The following CDIPT variants were observed in gnomAD, a reference collection of about 807,000 sequenced individuals.
CDIPT encodes the protein PI synthase.
CDIPT carries 17 observed loss-of-function variants against 21.6 expected under a neutral mutation model. The ratio of observed to expected loss-of-function variants is 0.79; its 90% confidence interval spans 0.54 to 1.18. The LOEUF (loss-of-function observed/expected upper bound fraction) is 1.18, where lower values mean the gene tolerates loss of function less well. Ranked by LOEUF, CDIPT falls within the 50% of genes most tolerant of loss-of-function variation. The pLI is 0.00. For missense variants in CDIPT, 254 were observed against 284.9 expected (o/e 0.89, Z 0.78); for synonymous variants, 119 against 117.9 (o/e 1.01, Z -0.06).
intron 2 of CDIPT, 178 bp from the exon 3 acceptor site, chr16:29,861,437 G>A: frequency 6.5e-7 from 1 of 1,539,200 alleles, no homozygotes; most frequent in African/African-American, 1.4e-5. Flanking sequence ...AGGTCACCAT[G>A]GCATGAACTG....
Position 29,859,403 on chromosome 16 carries a change from T to A in CDIPT, c.496+39A>T. ...CCTCCATCTCCCTGGGCAGGCCAGA[T>A]CCCCCTCCCATCCTCCTGCCCAGCC... On this transcript the variant is annotated intron_variant, in intron 5 of 5. Coordinates refer to ENST00000219789, the MANE Select transcript of CDIPT (RefSeq NM_006319.5). The surrounding 1 kb of genome is among the most constrained non-coding windows in gnomAD (Gnocchi z 4.5). 1 of 1,598,552 alleles carries A rather than the reference T, an allele frequency of 6.3e-7. No individual in the cohort carries two copies. The highest frequency in any genetic ancestry group is 8.5e-7 in the Non-Finnish European group (1 of 1,170,292).
chr16:29,859,382 C>T lies in CDIPT; in HGVS notation c.497-48G>A, dbSNP rs1431565664. 2 of 1,587,956 alleles carry T rather than the reference C, an allele frequency of 1.3e-6. No homozygotes were observed. Among genetic ancestry groups the T allele is most frequent in the Non-Finnish European group, 8.6e-7 (1 of 1,165,982 alleles). The stretch of plus-strand genomic sequence containing the variant: ...TTTGGGGCCCGAAGGAGGGGGCCTC[C>T]ATCTCCCTGGGCAGGCCAGATCCCC... On this transcript the variant is annotated intron_variant, in intron 5 of 5. Coordinates refer to ENST00000219789, the MANE Select transcript of CDIPT (RefSeq NM_006319.5). The surrounding 1 kb of genome is among the most constrained non-coding windows in gnomAD (Gnocchi z 4.5).
Position 29,862,998 on chromosome 16 carries a change from G to A in CDIPT, c.-141C>T. The A allele has an allele frequency of 1.0e-6, 1 of 967,946 alleles. No individual in the cohort carries two copies. Among genetic ancestry groups the A allele is most frequent in the East Asian group, 2.6e-5 (1 of 39,116 alleles). 60.0% of individuals were successfully genotyped at this position (967,946 alleles called of 1,614,324 possible). A position where few individuals can be genotyped will look rare whatever the true frequency, so the allele number is the denominator to read the frequency against. ...ACCCCGCCGCCCCAACCTGGCCCCA[G>A]ATGCTGAAGCCCGCAGCCGTCGGGA... On this transcript the variant is annotated 5_prime_UTR_variant, in exon 1 of 6. Transcript: ENST00000219789. The surrounding 1 kb of genome is among the most constrained non-coding windows in gnomAD (Gnocchi z 6.7).
Position 29,863,007 on chromosome 16 carries a change from G to T in CDIPT, c.-150C>A. The stretch of plus-strand genomic sequence containing the variant: ...CCCCAACCTGGCCCCAGATGCTGAA[G>T]CCCGCAGCCGTCGGGAGCATGGACC... On this transcript the variant is annotated 5_prime_UTR_variant, in exon 1 of 6. Coordinates refer to ENST00000219789, the MANE Select transcript of CDIPT (RefSeq NM_006319.5). 1.1e-6 allele frequency: 1 copy of T among 897,440 alleles called. No homozygotes were observed. The highest frequency in any genetic ancestry group is 2.6e-5 in the East Asian group (1 of 37,934). The allele number at this position is 897,440 out of a possible 1,614,324, so 55.6% of individuals were successfully genotyped here.
chr16:29,860,308 C>T (rs1166561870), intron 4 of CDIPT, among the ~76,000 whole-genome samples: 1 of 152,230 alleles, frequency 6.6e-6, no homozygotes, highest in East Asian at 1.9e-4. Flanking sequence ...CAAGTCCACA[C>T]TCCAGCCCTG....
In CDIPT at chr16:29,862,494, G is replaced by T; in HGVS notation, c.178+92C>A. 7.6e-7 allele frequency: 1 copy of T among 1,311,370 alleles called. No homozygotes were observed. The highest frequency in any genetic ancestry group is 1.1e-6 in the Non-Finnish European group (1 of 941,650). 81.2% of individuals were successfully genotyped at this position (1,311,370 alleles called of 1,614,324 possible). A position where few individuals can be genotyped will look rare whatever the true frequency, so the allele number is the denominator to read the frequency against. On this transcript the variant is annotated intron_variant, in intron 2 of 5. Transcript: ENST00000219789. The surrounding 1 kb of genome is among the most constrained non-coding windows in gnomAD (Gnocchi z 6.7). ...TTCTGCTTTTTCCAGAGATGGGAAT[G>T]ACAGCCCTCTGACTCTGAGGTCCCG... is the stretch of plus-strand genomic sequence containing the variant.
In CDIPT at chr16:29,860,659, A is replaced by C; in HGVS notation, c.336T>G (p.Ser112=). Residue 112 remains serine, a synonymous_variant, in exon 4 of 6, where the codon TCT becomes TCG. Coordinates refer to ENST00000219789, the MANE Select transcript of CDIPT (RefSeq NM_006319.5). ...TGTGACTCTCACTGCCTCGGACCACAGAACTTGGGGAGAAAACAGGGGAAC... is the reference window on the plus strand; with the variant it reads ...TGTGACTCTCACTGCCTCGGACCACCGAACTTGGGGAGAAAACAGGGGAAC... The part of the protein sequence containing the change: ...VASHWLHLHS[S]VVRGSESHKM... 1 of 1,608,246 alleles carries C rather than the reference A, an allele frequency of 6.2e-7. No individual in the cohort carries two copies. Among genetic ancestry groups the C allele is most frequent in the Non-Finnish European group, 8.5e-7 (1 of 1,175,260 alleles).
At chr16:29,860,557 G>A in intron 4 of CDIPT, 24 bp downstream of exon 4, 1 of 1,490,442 alleles carries the variant, frequency 6.7e-7, no homozygotes, top group East Asian at 2.3e-5. Context: ...AGCCTGAGGG[G>A]TGGGGTGTGC....
Position 29,863,026 on chromosome 16 carries a change from A to C in CDIPT, c.-169T>G. 2.5e-6 allele frequency: 2 copies of C among 794,412 alleles called. No individual in the cohort carries two copies. Among genetic ancestry groups the C allele is most frequent in the Non-Finnish European group, 4.2e-6 (2 of 470,826 alleles). The allele number at this position is 794,412 out of a possible 1,614,324, so 49.2% of individuals were successfully genotyped here. A position where few individuals can be genotyped will look rare whatever the true frequency, so the allele number is the denominator to read the frequency against. On this transcript the variant is annotated 5_prime_UTR_variant, in exon 1 of 6. It removes an upstream start codon present in the reference 5' UTR. Transcript: ENST00000219789. ...GCTGAAGCCCGCAGCCGTCGGGAGC[A>C]TGGACCGGCCCCGAGGTGCGCGGGA...
At position 29,859,033 on chromosome 16, in the gene CDIPT, C is replaced by T. The variant is rs1407249246; in HGVS notation, c.*156G>A. 1.1e-5 allele frequency: 9 copies of T among 795,220 alleles called. No homozygotes were observed. Among genetic ancestry groups the T allele is most frequent in the South Asian group, 1.8e-5 (1 of 55,310 alleles). 49.3% of individuals were successfully genotyped at this position (795,220 alleles called of 1,614,324 possible). A position where few individuals can be genotyped will look rare whatever the true frequency, so the allele number is the denominator to read the frequency against. ...CCCGGGTCCTCAGGATCCCAGAGAACGTGACGTCACCAAAGAGAGGCTGAC... is the reference window on the plus strand; with the variant it reads ...CCCGGGTCCTCAGGATCCCAGAGAATGTGACGTCACCAAAGAGAGGCTGAC... On this transcript the variant is annotated 3_prime_UTR_variant, in exon 6 of 6. Coordinates refer to ENST00000219789, the MANE Select transcript of CDIPT (RefSeq NM_006319.5). This position sits in a 1 kb window ranked among gnomAD's most constrained non-coding sequence, Gnocchi z 4.5.
chr16:29,859,599 G>A lies in CDIPT; in HGVS notation c.415-76C>T, dbSNP rs1469055835. ...CCCCTGCCCCCCCAGCACTAATGAA[G>A]GCACAATCTCGGCATATTACTTCTC... On this transcript the variant is annotated intron_variant, in intron 4 of 5. Coordinates refer to ENST00000219789, the MANE Select transcript of CDIPT (RefSeq NM_006319.5). This position sits in a 1 kb window ranked among gnomAD's most constrained non-coding sequence, Gnocchi z 4.5. 1.1e-6 allele frequency: 1 copy of A among 913,008 alleles called. No homozygotes were observed. Among genetic ancestry groups the A allele is most frequent in the Non-Finnish European group, 1.8e-6 (1 of 558,596 alleles). The allele number at this position is 913,008 out of a possible 1,614,324, so 56.6% of individuals were successfully genotyped here. A position where few individuals can be genotyped will look rare whatever the true frequency, so the allele number is the denominator to read the frequency against.
At chr16:29,861,468 G>C in intron 2 of CDIPT, 1 of 1,536,748 alleles carries the variant, frequency 6.5e-7, no homozygotes, top group Non-Finnish European at 8.7e-7. Flanking sequence ...GAGAGTGGAG[G>C]GAACAGGGTA....
In CDIPT at chr16:29,861,247, C is replaced by T. The variant is rs2067679161; in HGVS notation, c.191G>A (p.Gly64Glu). The change falls in exon 3 of 6, where the codon GGG becomes GAG. Residue 64 changes from glycine (G) to glutamate (E), a missense_variant. Physicochemically the swap from Gly to Glu is moderately conservative, Grantham distance 98 (BLOSUM62 -2). Transcript: ENST00000219789. ...ARALNQGTRF[G>E]AMLDMLTDRC... is the part of the protein sequence containing the mutation. ...GTCCGTCAGCATGTCCAGCATGGCC[C>T]CAAACCGGGTTCCTGGAAGATTAGG... is the stretch of plus-strand genomic sequence containing the variant. 1.2e-6 allele frequency: 2 copies of T among 1,614,202 alleles called. No individual in the cohort carries two copies. Among genetic ancestry groups the T allele is most frequent in the African/African-American group, 1.3e-5 (1 of 75,044 alleles).
Position 29,861,218 on chromosome 16 carries a change from A to T in CDIPT, c.220T>A (p.Cys74Ser). 6.2e-7 allele frequency: 1 copy of T among 1,614,232 alleles called. No homozygotes were observed. The highest frequency in any genetic ancestry group is 8.5e-7 in the Non-Finnish European group (1 of 1,180,038). The change falls in exon 3 of 6, where the codon TGC becomes AGC. Residue 74 changes from cysteine to serine, a missense_variant. By Grantham distance (112) the Cys-to-Ser change is moderately radical. Transcript: ENST00000219789. ...TTGACCAACAGGCACATGGTGGAGCAGCGGTCCGTCAGCATGTCCAGCATG... is the reference window on the plus strand; with the variant it reads ...TTGACCAACAGGCACATGGTGGAGCTGCGGTCCGTCAGCATGTCCAGCATG... ...GAMLDMLTDR[C>S]STMCLLVNLA...
At position 29,858,947 on chromosome 16, in the gene CDIPT, G is replaced by A. The variant is rs886375237; in HGVS notation, c.*242C>T. The A allele has an allele frequency of 4.3e-5, 24 of 557,792 alleles. No homozygotes were observed. The East Asian group carries it at 5.1e-4, about 12-fold the overall frequency. The allele number at this position is 557,792 out of a possible 1,614,324, so 34.6% of individuals were successfully genotyped here. ...GCAGGGTGTGACACTGCCCGGTCCC[G>A]GCACCCCAGGAGCACCGCCTGGATG... is the stretch of plus-strand genomic sequence containing the variant. On this transcript the variant is annotated 3_prime_UTR_variant, in exon 6 of 6. Transcript: ENST00000219789.
At position 29,862,544 on chromosome 16, in the gene CDIPT, G is replaced by T. The variant is rs1161527392; in HGVS notation, c.178+42C>A. ...GAGGAGGCAGGGGAAGGGAGGAGGG[G>T]ATTGTTGAACCCCAAGGCTGGCTGA... On this transcript the variant is annotated intron_variant, in intron 2 of 5. Transcript: ENST00000219789. The surrounding 1 kb of genome is among the most constrained non-coding windows in gnomAD (Gnocchi z 6.7). 1.3e-6 allele frequency: 2 copies of T among 1,549,294 alleles called. No homozygotes were observed. Among genetic ancestry groups the T allele is most frequent in the Non-Finnish European group, 1.7e-6 (2 of 1,145,250 alleles).
chr16:29,859,602 A>G lies in CDIPT; in HGVS notation c.415-79T>C, dbSNP rs2067663609. On this transcript the variant is annotated intron_variant, in intron 4 of 5. Transcript: ENST00000219789. This position sits in a 1 kb window ranked among gnomAD's most constrained non-coding sequence, Gnocchi z 4.5. Reference sequence around the variant, plus strand: ...CTGCCCCCCCAGCACTAATGAAGGCACAATCTCGGCATATTACTTCTCTTA... The same window carrying G: ...CTGCCCCCCCAGCACTAATGAAGGCGCAATCTCGGCATATTACTTCTCTTA... The G allele has an allele frequency of 2.3e-6, 2 of 878,806 alleles. No individual in the cohort carries two copies. Among genetic ancestry groups the G allele is most frequent in the Non-Finnish European group, 3.8e-6 (2 of 529,680 alleles). 54.4% of individuals were successfully genotyped at this position (878,806 alleles called of 1,614,324 possible). A position where few individuals can be genotyped will look rare whatever the true frequency, so the allele number is the denominator to read the frequency against.
At position 29,861,338 on chromosome 16, in the gene CDIPT, C is replaced by T. The variant is rs761813987; in HGVS notation, c.179-79G>A. The T allele has an allele frequency of 2.5e-5, 39 of 1,586,348 alleles. 1 individual carries two copies. The highest frequency in any genetic ancestry group is 1.7e-4 in the Middle Eastern group (1 of 6,034). On this transcript the variant is annotated intron_variant, in intron 2 of 5. Coordinates refer to ENST00000219789, the MANE Select transcript of CDIPT (RefSeq NM_006319.5). ...GCCCATATTTGGTTTATCACTCTGA[C>T]GCAGGGTGTAAACGAAGACTGGAAG...
In CDIPT at chr16:29,863,148, G is replaced by C. The variant is rs2067699610; in HGVS notation, c.-291C>G. Reference sequence around the variant, plus strand: ...CGGGCCTCCAGCTGCGGTCGCCGCTGCTCCAGCTGCGCGTGGCTTCCGGGA... The same window carrying C: ...CGGGCCTCCAGCTGCGGTCGCCGCTCCTCCAGCTGCGCGTGGCTTCCGGGA... On this transcript the variant is annotated 5_prime_UTR_variant, in exon 1 of 6. Coordinates refer to ENST00000219789, the MANE Select transcript of CDIPT (RefSeq NM_006319.5). The C allele has an allele frequency of 4.5e-6, 2 of 443,462 alleles. No individual in the cohort carries two copies. Among genetic ancestry groups the C allele is most frequent in the Non-Finnish European group, 8.0e-6 (2 of 248,480 alleles). 27.5% of individuals were successfully genotyped at this position (443,462 alleles called of 1,614,324 possible). A position where few individuals can be genotyped will look rare whatever the true frequency, so the allele number is the denominator to read the frequency against.
Sources: gnomAD v4.1 joint callset for allele counts (sites outside exome capture counted in the v4.1 genomes callset) on GRCh38, gnomAD v4.1.1 for gene constraint, Gnocchi (gnomAD v3.1) non-coding constraint, MANE v1.5 for transcripts, NCBI Gene and HGNC (gene_info 2026-07-23, HGNC 2026-07-21) for gene names.